CSMD3: variants seen among roughly 807,000 people sequenced by gnomAD.
The protein encoded by CSMD3 is CUB and Sushi multiple domains 3.
In CSMD3, 177 loss-of-function variants were observed where a neutral mutation model predicts 435.2. The observed-to-expected ratio is 0.41, with a 90% confidence interval of 0.36 to 0.46. The LOEUF (loss-of-function observed/expected upper bound fraction) is 0.46. Among genes scored for constraint, CSMD3 ranks in the 20% least tolerant of loss-of-function variants. The pLI is 0.34. For missense variants in CSMD3, 4,265 were observed against 4,504.6 expected, an observed-to-expected ratio of 0.95 and a Z score of 1.52; for synonymous variants, 1,656 against 1,520.5, an observed-to-expected ratio of 1.09 and a Z score of -2.07.
Position 112,410,585 on chromosome 8 carries a change from C to CATATGTATATATATATGTGTATAT in CSMD3, c.5396-1577_5396-1554dup, listed in dbSNP as rs1563912651. Among the ~76,000 whole-genome samples the CATATGTATATATATATGTGTATAT allele has an allele frequency of 1.4e-3, 107 of 74,054 alleles. 5 individuals are homozygous for CATATGTATATATATATGTGTATAT. The highest frequency in any genetic ancestry group is 4.7e-3 in the African/African-American group (84 of 18,032). 48.6% of individuals were successfully genotyped at this position (74,054 alleles called of 152,430 possible). ...CTGAATTGTACTATGTATATACATA[C>CATATGTATATATATATGTGTATAT]ATATGTATATATATATGTGTATATA... On this transcript the variant is annotated intron_variant, in intron 32 of 70. Transcript: ENST00000297405.
chr8:112,889,809 T>C (rs143998281), intron 10 of CSMD3, among the ~76,000 whole-genome samples: 2 of 151,674 alleles, frequency 1.3e-5, no homozygotes. Context: ...AAAATCTTAC[T>C]GACTCTACCC....
intron 31 of CSMD3, among the ~76,000 whole-genome samples, chr8:112,483,883 C>G (rs1024602074): frequency 6.6e-6 from 1 of 152,142 alleles, no homozygotes; most frequent in Non-Finnish European, 1.5e-5. Context: ...GTATTTTCTT[C>G]TCTTAATTTT....
chr8:113,412,962 C>G (rs542206619), intron 1 of CSMD3, among the ~76,000 whole-genome samples: 1 of 152,022 alleles, frequency 6.6e-6, no homozygotes, highest in Non-Finnish European at 1.5e-5. Context: ...AGTGAAGAAA[C>G]AGCAGTTCCT....
chr8:112,594,928 A>T (rs900017668), intron 22 of CSMD3, among the ~76,000 whole-genome samples: 1 of 151,970 alleles, frequency 6.6e-6, no homozygotes, highest in Non-Finnish European at 1.5e-5. Context: ...AACAGAACAG[A>T]AAAACTGGAA....
intron 4 of CSMD3, among the ~76,000 whole-genome samples, chr8:113,164,608 T>C (rs1357492478): frequency 6.6e-6 from 1 of 151,980 alleles, no homozygotes; most frequent in Non-Finnish European, 1.5e-5. Flanking sequence ...TTCATGCACA[T>C]TTAGACCAAA....
At chr8:113,368,220 T>G (rs1187295816) in intron 1 of CSMD3, among the ~76,000 whole-genome samples, 1 of 152,244 alleles carries the variant, frequency 6.6e-6, no homozygotes, top group African/African-American at 2.4e-5. Flanking sequence ...CTAACTCACC[T>G]TCCCAGCTGT....
At chr8:112,902,675 A>G (rs1179576344) in intron 10 of CSMD3, among the ~76,000 whole-genome samples, 1 of 151,228 alleles carries the variant, frequency 6.6e-6, no homozygotes, top group Non-Finnish European at 1.5e-5. Flanking sequence ...ACCCCTCTTG[A>G]TGAGCCTTAT....
chr8:112,885,756 A>G (rs1034984053), intron 10 of CSMD3, among the ~76,000 whole-genome samples: 1 of 151,786 alleles, frequency 6.6e-6, no homozygotes, highest in Non-Finnish European at 1.5e-5. Context: ...ATGTCAAGAA[A>G]GAGATTGGCA....
At chr8:112,427,344 G>A (rs1446535488) in intron 32 of CSMD3, among the ~76,000 whole-genome samples, 3 of 152,072 alleles carry the variant, frequency 2.0e-5, no homozygotes. Context: ...TGAGGTAACT[G>A]AATCATGGAG....
intron 12 of CSMD3, among the ~76,000 whole-genome samples, chr8:112,808,048 A>G (rs1587357118): frequency 6.6e-6 from 1 of 152,292 alleles, no homozygotes; most frequent in East Asian, 1.9e-4. Context: ...TATTCCAAAA[A>G]TATTAAAGAG....
chr8:112,774,052 G>C (rs1263403546), intron 13 of CSMD3, among the ~76,000 whole-genome samples: 1 of 151,934 alleles, frequency 6.6e-6, no homozygotes, highest in Non-Finnish European at 1.5e-5. Flanking sequence ...TCAAATAAAA[G>C]AGAACATATC....
intron 5 of CSMD3, among the ~76,000 whole-genome samples, chr8:113,047,360 T>C (rs2087880600): frequency 6.6e-6 from 1 of 152,236 alleles, no homozygotes; most frequent in African/African-American, 2.4e-5. Context: ...ATGTGACTAA[T>C]AAACATTTTG....
intron 1 of CSMD3, among the ~76,000 whole-genome samples, chr8:113,370,208 A>C (rs1264270947): frequency 1.3e-5 from 2 of 151,290 alleles, no homozygotes; most frequent in Non-Finnish European, 3.0e-5. Context: ...AAATATTTAA[A>C]TAAATTTAAA....
At chr8:113,377,726 T>C (rs185928546) in intron 1 of CSMD3, among the ~76,000 whole-genome samples, 1,686 of 152,306 alleles carry the variant, frequency 0.011, 12 homozygotes, top group Middle Eastern at 0.034. Flanking sequence ...CTAACTGGCT[T>C]TGAGATCTGT....
intron 10 of CSMD3, among the ~76,000 whole-genome samples, chr8:112,920,983 A>T (rs2082720062): frequency 7.3e-6 from 1 of 137,298 alleles, no homozygotes; most frequent in Non-Finnish European, 1.5e-5. Context: ...ATATGTACAC[A>T]CATACGCGCG....
chr8:113,299,356 T>C (rs2093746389), intron 2 of CSMD3, among the ~76,000 whole-genome samples: 1 of 152,208 alleles, frequency 6.6e-6, no homozygotes, highest in African/African-American at 2.4e-5. Context: ...TAGCTATTTG[T>C]GTTATATTGC....
At chr8:112,646,873 AATTTT>A (rs1181294030) in intron 19 of CSMD3, among the ~76,000 whole-genome samples, 1 of 152,166 alleles carries the variant, frequency 6.6e-6, no homozygotes, top group Non-Finnish European at 1.5e-5. Flanking sequence ...TGAAGACATA[AATTTT>A]ATTTTATATC....
chr8:112,385,627 T>G (rs925229236), intron 36 of CSMD3, among the ~76,000 whole-genome samples: 2 of 152,108 alleles, frequency 1.3e-5, no homozygotes, highest in African/African-American at 4.8e-5. Flanking sequence ...GAGACTCAAG[T>G]GTATTGGAGG....
At chr8:112,266,633 T>C (rs950541662) in intron 59 of CSMD3, among the ~76,000 whole-genome samples, 3 of 152,232 alleles carry the variant, frequency 2.0e-5, no homozygotes, top group African/African-American at 2.4e-5. Context: ...TGAGTGTAAG[T>C]GCACACATAA....
Sources: gnomAD v4.1 joint callset for allele counts (sites outside exome capture counted in the v4.1 genomes callset) on GRCh38, gnomAD v4.1.1 for gene constraint, MANE v1.5 for transcripts, NCBI Gene and HGNC (gene_info 2026-07-23, HGNC 2026-07-21) for gene names.